SLC35D4: variants seen among roughly 807,000 people sequenced by gnomAD.
SLC35D4 encodes UDP-N-acetylglucosamine transporter SLC35D4.
the SLC35D4 span, among the ~76,000 whole-genome samples, chr18:23,410,098 T>C: frequency 2.0e-5 from 3 of 152,180 alleles, no homozygotes; most frequent in Admixed American, 6.5e-5. Flanking sequence ...CCCCCACATA[T>C]ACCAAGGGTC....
the SLC35D4 span, chr18:23,258,797 C>T: frequency 6.6e-6 from 1 of 152,114 alleles, no homozygotes; most frequent in Non-Finnish European, 1.5e-5. Context: ...GGAACCGAAC[C>T]GAGGGTCTGC....
the SLC35D4 span, among the ~76,000 whole-genome samples, chr18:23,370,641 C>T: frequency 1.3e-5 from 2 of 152,158 alleles, no homozygotes; most frequent in Non-Finnish European, 2.9e-5. Context: ...GTCAGGGCAC[C>T]GTTTTTCCCC....
the SLC35D4 span, among the ~76,000 whole-genome samples, chr18:23,394,817 A>G: frequency 6.6e-6 from 1 of 151,672 alleles, no homozygotes; most frequent in South Asian, 2.1e-4. Flanking sequence ...AGTATTTTTT[A>G]TACTAAAAAT....
the SLC35D4 span, among the ~76,000 whole-genome samples, chr18:23,253,441 C>T: frequency 3.3e-4 from 51 of 152,324 alleles, no homozygotes; most frequent in Non-Finnish European, 5.4e-4. Flanking sequence ...CAAGATCGTG[C>T]CACTGCACTC....
At chr18:23,294,249 G>T in the SLC35D4 span, among the ~76,000 whole-genome samples, 2 of 152,110 alleles carry the variant, frequency 1.3e-5, no homozygotes, top group Non-Finnish European at 2.9e-5. Context: ...AAGGATTAAG[G>T]TCATCAGGTA....
At chr18:23,410,106 G>A in the SLC35D4 span, among the ~76,000 whole-genome samples, 31 of 152,246 alleles carry the variant, frequency 2.0e-4, no homozygotes, top group East Asian at 5.6e-3. Flanking sequence ...TATACCAAGG[G>A]TCAACTGTAT....
chr18:23,410,543 G>A, the SLC35D4 span, among the ~76,000 whole-genome samples: 6 of 151,602 alleles, frequency 4.0e-5, no homozygotes, highest in East Asian at 1.9e-4. Context: ...AGTGGCTCAC[G>A]CCTGTAATCC....
At chr18:23,357,950 G>A in the SLC35D4 span, among the ~76,000 whole-genome samples, 101 of 152,280 alleles carry the variant, frequency 6.6e-4, no homozygotes, top group Middle Eastern at 3.4e-3. Flanking sequence ...CTGTCAAACC[G>A]TGTTGGTAGA....
the SLC35D4 span, among the ~76,000 whole-genome samples, chr18:23,239,827 G>A: frequency 6.6e-6 from 1 of 152,126 alleles, no homozygotes; most frequent in African/African-American, 2.4e-5. Flanking sequence ...TCTTAGAAAA[G>A]CAGCAGGAGA....
At chr18:23,338,488 G>T in the SLC35D4 span, among the ~76,000 whole-genome samples, 1 of 152,070 alleles carries the variant, frequency 6.6e-6, no homozygotes, top group Non-Finnish European at 1.5e-5. Context: ...CAATAACATA[G>T]ACATTATTAT....
At chr18:23,372,459 C>G in the SLC35D4 span, among the ~76,000 whole-genome samples, 18 of 152,360 alleles carry the variant, frequency 1.2e-4, no homozygotes, top group South Asian at 2.3e-3. Context: ...GAGTCTGGCT[C>G]TAGCATCAGA....
chr18:23,245,426 G>T, the SLC35D4 span, among the ~76,000 whole-genome samples: 2 of 151,342 alleles, frequency 1.3e-5, no homozygotes, highest in South Asian at 4.2e-4. Flanking sequence ...CACGAGAATC[G>T]CTTGAACCCG....
the SLC35D4 span, among the ~76,000 whole-genome samples, chr18:23,342,591 TAAG>T: frequency 3.9e-5 from 6 of 152,210 alleles, no homozygotes; most frequent in African/African-American, 1.4e-4. Flanking sequence ...GGTAGATTCT[TAAG>T]AATAGAATTG....
chr18:23,432,578 G>A, the SLC35D4 span, among the ~76,000 whole-genome samples: 119 of 151,962 alleles, frequency 7.8e-4, no homozygotes, highest in African/African-American at 2.6e-3. Context: ...CTACTCAGGA[G>A]GCTGCGGCAG....
chr18:23,332,823 A>C, the SLC35D4 span, among the ~76,000 whole-genome samples: 1 of 152,168 alleles, frequency 6.6e-6, no homozygotes, highest in Admixed American at 6.5e-5. Flanking sequence ...CATTTCTGTG[A>C]AGTGTATGCA....
At chr18:23,287,093 C>G in the SLC35D4 span, among the ~76,000 whole-genome samples, 1 of 152,180 alleles carries the variant, frequency 6.6e-6, no homozygotes, top group South Asian at 2.1e-4. Context: ...TTATCACTCG[C>G]CTGCTACAGC....
the SLC35D4 span, among the ~76,000 whole-genome samples, chr18:23,315,846 G>C: frequency 6.6e-6 from 1 of 152,192 alleles, no homozygotes; most frequent in African/African-American, 2.4e-5. Flanking sequence ...AGTCATATAA[G>C]AATAAGGAAG....
At chr18:23,435,817 T>G in the SLC35D4 span, among the ~76,000 whole-genome samples, 8 of 151,994 alleles carry the variant, frequency 5.3e-5, no homozygotes, top group African/African-American at 1.9e-4. Context: ...TGCCTCAGCC[T>G]CCTGAGTAGC....
At chr18:23,311,974 G>A in the SLC35D4 span, among the ~76,000 whole-genome samples, 2 of 152,200 alleles carry the variant, frequency 1.3e-5, no homozygotes, top group Non-Finnish European at 2.9e-5. Flanking sequence ...TCCCACTGAT[G>A]GATGTTGGCT....
Sources: gnomAD v4.1 joint callset for allele counts (sites outside exome capture counted in the v4.1 genomes callset) on GRCh38, gnomAD v4.1.1 for gene constraint, MANE v1.5 for transcripts, NCBI Gene and HGNC (gene_info 2026-07-23, HGNC 2026-07-21) for gene names.